The following KDM4C variants were observed in gnomAD, a reference collection of about 807,000 sequenced individuals.
KDM4C encodes lysine-specific demethylase 4C.
A neutral mutation model predicts 129.3 loss-of-function variants in KDM4C; 81 were observed. That is an observed-to-expected ratio of 0.63 (90% CI 0.52 to 0.75). The LOEUF (loss-of-function observed/expected upper bound fraction) is 0.75, where lower values mean the gene tolerates loss of function less well. Among genes scored for constraint, KDM4C ranks in the 30% least tolerant of loss-of-function variants. The pLI is 0.00. For synonymous variants in KDM4C, 573 were observed against 456.1 expected (o/e 1.26, Z -3.26); for missense variants, 1,457 against 1,304.0 (o/e 1.12, Z -1.81).
At chr9:7,151,570 G>A (rs1364148662) in intron 19 of KDM4C, among the ~76,000 whole-genome samples, 1 of 152,186 alleles carries the variant, frequency 6.6e-6, no homozygotes, top group East Asian at 1.9e-4. Context: ...AGCTATTTGG[G>A]AGGCTGAGGT....
At chr9:7,055,253 A>C (rs8181057) in intron 17 of KDM4C, among the ~76,000 whole-genome samples, 1 of 152,276 alleles carries the variant, frequency 6.6e-6, no homozygotes, top group South Asian at 2.1e-4. Flanking sequence ...GGTGTAGCAC[A>C]GTGCCTTTGG....
At chr9:7,014,953 CCTT>C (rs773542136) in intron 14 of KDM4C, among the ~76,000 whole-genome samples, 22 of 146,732 alleles carry the variant, frequency 1.5e-4, no homozygotes, top group South Asian at 4.4e-4. Flanking sequence ...CACACACACA[CCTT>C]ACATTATTAT....
intron 8 of KDM4C, among the ~76,000 whole-genome samples, chr9:6,969,095 C>T (rs536919775): frequency 6.6e-6 from 1 of 152,062 alleles, no homozygotes; most frequent in Non-Finnish European, 1.5e-5. Context: ...ATCACCACAC[C>T]TGGCTAATTT....
rs1490333604 is a variant in KDM4C at position 6,984,153 on chromosome 9, C to G, written c.1116-13C>G. On this transcript the variant is annotated splice_polypyrimidine_tract_variant and intron_variant, in intron 9 of 21. Transcript: ENST00000381309. ...AGACATCCCGCTCTGACCACTGCTT[C>G]TCTTGTTGACAGCTTCCAGTGTGCT... 3 of 1,577,648 alleles carry G rather than the reference C, an allele frequency of 1.9e-6. No homozygotes were observed. The highest frequency in any genetic ancestry group is 2.6e-6 in the Non-Finnish European group (3 of 1,147,692).
In KDM4C at chr9:6,986,493, C is replaced by G. The variant is rs1817733260; in HGVS notation, c.1504C>G (p.Pro502Ala). ...CTATGAGAAGCCCGAGAAATCAGAC[C>G]CATCCGAGCTTTCATGGCCAAAGTC... ...SGYEKPEKSD[P>A]SELSWPKSPE... Residue 502 changes from proline to alanine, a missense_variant, in exon 11 of 22, where the codon CCA becomes GCA. Pro to Ala is a conservative substitution (Grantham distance 27). Transcript: ENST00000381309. The G allele has an allele frequency of 6.2e-7, 1 of 1,613,992 alleles. No homozygotes were observed. The highest frequency in any genetic ancestry group is 2.2e-5 in the East Asian group (1 of 44,864).
chr9:6,831,620 G>T (rs1484995659), intron 4 of KDM4C, among the ~76,000 whole-genome samples: 1 of 152,174 alleles, frequency 6.6e-6, no homozygotes, highest in Non-Finnish European at 1.5e-5. Flanking sequence ...GGGATTACAG[G>T]TGTAAGCCAG....
chr9:6,984,843 T>G (rs976461435), intron 10 of KDM4C, among the ~76,000 whole-genome samples: 10 of 152,198 alleles, frequency 6.6e-5, no homozygotes, highest in African/African-American at 1.9e-4. Context: ...GTCAACCTAG[T>G]GAAATGACAT....
intron 2 of KDM4C, among the ~76,000 whole-genome samples, chr9:6,805,336 C>T (rs1040803606): frequency 6.6e-6 from 1 of 152,074 alleles, no homozygotes; most frequent in African/African-American, 2.4e-5. Context: ...TCAATTTTAT[C>T]TTTAAAATCA....
At chr9:6,810,498 G>T (rs77029753) in intron 3 of KDM4C, among the ~76,000 whole-genome samples, 14,035 of 151,972 alleles carry the variant, frequency 0.092, 870 homozygotes, top group East Asian at 0.26. Context: ...AAAAATTTTT[G>T]GTTTTTTTTA....
At chr9:7,097,750 T>A (rs574540756) in intron 17 of KDM4C, among the ~76,000 whole-genome samples, 2 of 152,388 alleles carry the variant, frequency 1.3e-5, no homozygotes, top group East Asian at 3.9e-4. Flanking sequence ...GTAAAGCTTT[T>A]GTTATAGCTG....
intron 8 of KDM4C, among the ~76,000 whole-genome samples, chr9:6,909,282 G>C (rs575886294): frequency 3.9e-5 from 6 of 152,356 alleles, no homozygotes; most frequent in African/African-American, 1.4e-4. Flanking sequence ...CAAGAGAACA[G>C]ATGTAGTTAG....
chr9:6,775,087 T>G, intron 1 of KDM4C, among the ~76,000 whole-genome samples: 1 of 152,128 alleles, frequency 6.6e-6, no homozygotes, highest in East Asian at 1.9e-4. Flanking sequence ...CACAATCTTG[T>G]CTCACTGCAA....
intron 2 of KDM4C, among the ~76,000 whole-genome samples, chr9:6,801,199 G>A (rs887474669): frequency 7.0e-6 from 1 of 143,822 alleles, no homozygotes; most frequent in Non-Finnish European, 1.5e-5. Context: ...AACACTCTTA[G>A]AATATAAAGT....
intron 1 of KDM4C, among the ~76,000 whole-genome samples, chr9:6,732,945 G>T (rs1817402300): frequency 6.6e-6 from 1 of 152,070 alleles, no homozygotes; most frequent in Non-Finnish European, 1.5e-5. Flanking sequence ...ACCAGGAGGT[G>T]GAGGTTGCAG....
At chr9:6,873,125 T>C (rs12343971) in intron 5 of KDM4C, among the ~76,000 whole-genome samples, 1 of 152,038 alleles carries the variant, frequency 6.6e-6, no homozygotes, top group Non-Finnish European at 1.5e-5. Context: ...GACTCCCGAT[T>C]AGCTGAGATT....
intron 19 of KDM4C, among the ~76,000 whole-genome samples, chr9:7,130,200 T>C (rs1377743594): frequency 1.3e-5 from 2 of 152,200 alleles, no homozygotes; most frequent in Admixed American, 6.5e-5. Flanking sequence ...AACACTGTGG[T>C]GGTGGGATGA....
At chr9:6,974,553 T>C (rs895273821) in intron 8 of KDM4C, among the ~76,000 whole-genome samples, 2 of 152,178 alleles carry the variant, frequency 1.3e-5, no homozygotes, top group African/African-American at 4.8e-5. Flanking sequence ...AGACGGAGTT[T>C]CACCATGATG....
intron 4 of KDM4C, among the ~76,000 whole-genome samples, chr9:6,822,678 C>G (rs559098685): frequency 6.6e-6 from 1 of 152,316 alleles, no homozygotes; most frequent in South Asian, 2.1e-4. Flanking sequence ...TTAAAATACT[C>G]AGCCTTCTGT....
intron 6 of KDM4C, among the ~76,000 whole-genome samples, chr9:6,882,257 A>C (rs535498023): frequency 6.6e-6 from 1 of 152,176 alleles, no homozygotes; most frequent in East Asian, 1.9e-4. Context: ...CATTCTTTCT[A>C]ATTTTTGGTT....
Sources: allele counts gnomAD v4.1 joint callset (sites outside exome capture counted in the v4.1 genomes callset), GRCh38; gene constraint gnomAD v4.1.1; transcripts MANE v1.5; gene names NCBI Gene and HGNC (gene_info 2026-07-23, HGNC 2026-07-21).